The following KCND2 variants were observed in gnomAD, a reference collection of about 807,000 sequenced individuals.
KCND2 encodes the protein A-type voltage-gated potassium channel KCND2.
Under a neutral mutation model 54.4 loss-of-function variants are expected in KCND2, and 16 were observed. That is an observed-to-expected ratio of 0.29 (90% CI 0.20 to 0.45). KCND2 has a LOEUF of 0.45. Among genes scored for constraint, KCND2 ranks in the 20% least tolerant of loss-of-function variants. The pLI is 1.00. For missense variants in KCND2, 486 were observed against 824.2 expected, an observed-to-expected ratio of 0.59 and a Z score of 5.02; for synonymous variants, 317 against 310.7, an observed-to-expected ratio of 1.02 and a Z score of -0.21.
intron 2 of KCND2, among the ~76,000 whole-genome samples, chr7:120,740,637 T>C (rs1452729117): frequency 1.3e-5 from 2 of 152,124 alleles, no homozygotes; most frequent in South Asian, 4.1e-4. Flanking sequence ...CACAGCCAGA[T>C]CCTTAGTACT....
At chr7:120,561,185 TAAC>T (rs935924470) in intron 1 of KCND2, among the ~76,000 whole-genome samples, 4 of 152,192 alleles carry the variant, frequency 2.6e-5, no homozygotes, top group Admixed American at 6.5e-5. Flanking sequence ...ATTTATGACT[TAAC>T]AGCATTGAGA....
At chr7:120,351,242 G>A (rs995652616) in intron 1 of KCND2, among the ~76,000 whole-genome samples, 2 of 47,512 alleles carry the variant, frequency 4.2e-5, no homozygotes, top group Admixed American at 2.6e-4. Context: ...ATTTATATGT[G>A]TGTATATATA....
At chr7:120,453,217 G>T (rs748476412) in intron 1 of KCND2, among the ~76,000 whole-genome samples, 1 of 152,284 alleles carries the variant, frequency 6.6e-6, no homozygotes, top group Admixed American at 6.5e-5. Context: ...ACCACTGTGC[G>T]CATGTACCAT....
chr7:120,571,470 G>A (rs1792365386), intron 1 of KCND2, among the ~76,000 whole-genome samples: 1 of 152,160 alleles, frequency 6.6e-6, no homozygotes, highest in South Asian at 2.1e-4. Context: ...AGAAGGACAA[G>A]GCAGAAACCT....
chr7:120,467,703 G>A (rs1259031007), intron 1 of KCND2, among the ~76,000 whole-genome samples: 1 of 152,092 alleles, frequency 6.6e-6, no homozygotes, highest in East Asian at 1.9e-4. Context: ...AAAATTTGCA[G>A]TTTGTTTACT....
chr7:120,495,665 A>C (rs1470161354), intron 1 of KCND2, among the ~76,000 whole-genome samples: 2 of 152,180 alleles, frequency 1.3e-5, no homozygotes, highest in Non-Finnish European at 2.9e-5. Flanking sequence ...AAGTGAGTGA[A>C]GGAAGCTGCA....
chr7:120,588,859 C>T (rs1461474616), intron 1 of KCND2, among the ~76,000 whole-genome samples: 1 of 152,202 alleles, frequency 6.6e-6, no homozygotes, highest in Non-Finnish European at 1.5e-5. Context: ...TAATTGTCCA[C>T]CTGCCCATCT....
intron 1 of KCND2, among the ~76,000 whole-genome samples, chr7:120,518,956 A>G (rs1584810767): frequency 6.6e-6 from 1 of 152,162 alleles, no homozygotes; most frequent in Non-Finnish European, 1.5e-5. Context: ...ACAGAGAGAA[A>G]GTATGTCAGA....
intron 1 of KCND2, among the ~76,000 whole-genome samples, chr7:120,718,698 A>C (rs1792632665): frequency 6.6e-6 from 1 of 152,180 alleles, no homozygotes; most frequent in African/African-American, 2.4e-5. Flanking sequence ...ACAGCACTTA[A>C]AAAAATAATT....
intron 1 of KCND2, among the ~76,000 whole-genome samples, chr7:120,470,634 G>A (rs1802439847): frequency 1.3e-5 from 2 of 151,906 alleles, no homozygotes; most frequent in Admixed American, 6.6e-5. Flanking sequence ...ATTGAAATGA[G>A]GAAGGAATTA....
rs1211522023 is a variant in KCND2 at position 120,312,714 on chromosome 7, G to T, written c.1115+36967G>T. On this transcript the variant is annotated intron_variant, in intron 1 of 5. Transcript: ENST00000331113. Reference sequence around the variant, plus strand: ...TTCTAGCTTAGCCTTGAGTGAGTGAGCATAAAGAGGCATTATCATCCATGA... The same window carrying T: ...TTCTAGCTTAGCCTTGAGTGAGTGATCATAAAGAGGCATTATCATCCATGA... Among the ~76,000 whole-genome samples the T allele has an allele frequency of 3.9e-5, 6 of 152,216 alleles. No individual in the cohort carries two copies. The East Asian group carries it at 9.6e-4, about 24-fold the overall frequency.
At chr7:120,526,619 G>A (rs1022084618) in intron 1 of KCND2, among the ~76,000 whole-genome samples, 6 of 152,052 alleles carry the variant, frequency 3.9e-5, no homozygotes, top group African/African-American at 1.4e-4. Flanking sequence ...ATATTATGTT[G>A]CCAATAAACA....
intron 1 of KCND2, among the ~76,000 whole-genome samples, chr7:120,678,891 G>C (rs1207402443): frequency 6.6e-6 from 1 of 151,088 alleles, no homozygotes; most frequent in Non-Finnish European, 1.5e-5. Flanking sequence ...TCTGAAGCTT[G>C]ACCCAATTGT....
At chr7:120,700,792 T>G (rs1383515550) in intron 1 of KCND2, among the ~76,000 whole-genome samples, 1 of 152,184 alleles carries the variant, frequency 6.6e-6, no homozygotes, top group Non-Finnish European at 1.5e-5. Flanking sequence ...TAAAGAGTCA[T>G]GAAAGGGAAG....
chr7:120,364,576 A>T (rs1800639947), intron 1 of KCND2, among the ~76,000 whole-genome samples: 1 of 152,082 alleles, frequency 6.6e-6, no homozygotes, highest in South Asian at 2.1e-4. Context: ...GGGGGAGAGA[A>T]ATTGGACTCA....
intron 1 of KCND2, among the ~76,000 whole-genome samples, chr7:120,634,965 C>A (rs975041302): frequency 1.3e-5 from 2 of 152,160 alleles, no homozygotes; most frequent in African/African-American, 4.8e-5. Context: ...CATGCTGTTC[C>A]CCTGTCCTGG....
chr7:120,710,718 T>C (rs1285423673), intron 1 of KCND2, among the ~76,000 whole-genome samples: 3 of 152,128 alleles, frequency 2.0e-5, no homozygotes, highest in Non-Finnish European at 4.4e-5. Flanking sequence ...TAAACAAGTT[T>C]TTAGGTCTGT....
chr7:120,396,421 T>C (rs1801156683), intron 1 of KCND2, among the ~76,000 whole-genome samples: 1 of 152,080 alleles, frequency 6.6e-6, no homozygotes, highest in Non-Finnish European at 1.5e-5. Flanking sequence ...CTTGACCAAC[T>C]CCAAATAATC....
At chr7:120,491,496 G>A (rs924916627) in intron 1 of KCND2, among the ~76,000 whole-genome samples, 10 of 152,016 alleles carry the variant, frequency 6.6e-5, no homozygotes, top group South Asian at 6.2e-4. Context: ...ATTTTCTTTA[G>A]TAGAACTATA....
Sources: allele counts gnomAD v4.1 joint callset (sites outside exome capture counted in the v4.1 genomes callset), GRCh38; gene constraint gnomAD v4.1.1; transcripts MANE v1.5; gene names NCBI Gene and HGNC (gene_info 2026-07-23, HGNC 2026-07-21).